Variants in KIAA1614 observed in about 807,000 individuals in gnomAD.
KIAA1614 encodes the protein uncharacterized protein KIAA1614.
KIAA1614 carries 76 observed loss-of-function variants against 88.7 expected under a neutral mutation model. The ratio of observed to expected loss-of-function variants is 0.86; its 90% CI spans 0.71 to 1.04. The LOEUF (loss-of-function observed/expected upper bound fraction) is 1.04, where lower values mean the gene tolerates loss of function less well. Ranked by LOEUF, KIAA1614 falls within the 50% of genes least tolerant of loss-of-function variation. The probability of loss-of-function intolerance (pLI) is 0.00; values close to 1 mark genes in which losing one functional copy is unlikely to be tolerated. For synonymous variants in KIAA1614, 714 were observed against 675.5 expected (o/e 1.06, Z -0.88); for missense variants, 1,553 against 1,582.5 (o/e 0.98, Z 0.32).
intron 4 of KIAA1614, among the ~76,000 whole-genome samples, chr1:180,932,956 G>A (rs1654234273): frequency 1.3e-5 from 2 of 152,248 alleles, no homozygotes. Context: ...GCCCAGGCTG[G>A]TCTTCAACTC....
At position 180,949,968 on chromosome 1, in the gene KIAA1614, C is replaced by T. The variant is rs905027401; in HGVS notation, c.*4380C>T. ...AGGTATGGTTCCTAATTTTTAAAAA[C>T]TATTTTCCTCCCAATTCTACAAGAA... On this transcript the variant is annotated 3_prime_UTR_variant, in exon 9 of 9. Transcript: ENST00000367588. 3 of 152,310 alleles carry T rather than the reference C, an allele frequency of 2.0e-5. No individual in the cohort carries two copies. Among genetic ancestry groups the T allele is most frequent in the Admixed American group, 6.5e-5 (1 of 15,284 alleles). 9.4% of individuals were successfully genotyped at this position (152,310 alleles called of 1,614,324 possible).
At chr1:180,926,215 G>A (rs1440853384) in intron 3 of KIAA1614, among the ~76,000 whole-genome samples, 2 of 152,160 alleles carry the variant, frequency 1.3e-5, no homozygotes, top group African/African-American at 4.8e-5. Flanking sequence ...AGTGAGATGG[G>A]ACAGACTCAG....
chr1:180,924,874 G>T (rs1654033224), intron 3 of KIAA1614, among the ~76,000 whole-genome samples: 1 of 13,588 alleles, frequency 7.4e-5, no homozygotes, highest in Non-Finnish European at 3.9e-4. Context: ...CAAAACAATG[G>T]TGCTAATGAT....
rs1654682243 is a variant in KIAA1614, at chr1:180,949,465, T to TGG, written c.*3881_*3882dup. 6.6e-6 allele frequency: 1 copy of TGG among 152,198 alleles called. No homozygotes were observed. The highest frequency in any genetic ancestry group is 2.1e-4 in the South Asian group (1 of 4,812). 9.4% of individuals were successfully genotyped at this position (152,198 alleles called of 1,614,324 possible). A position where few individuals can be genotyped will look rare whatever the true frequency, so the allele number is the denominator to read the frequency against. ...GCGGTTGAGGCCGGCGGGCGGGGGT[T>TGG]GGGGGCAGGGGGCCTCCTCAGCTGG... On this transcript the variant is annotated 3_prime_UTR_variant, in exon 9 of 9. Coordinates refer to ENST00000367588, the MANE Select transcript of KIAA1614 (RefSeq NM_020950.2).
At chr1:180,915,634 G>T (rs1653772134) in intron 1 of KIAA1614, among the ~76,000 whole-genome samples, 1 of 152,192 alleles carries the variant, frequency 6.6e-6, no homozygotes, top group South Asian at 2.1e-4. Context: ...GTGCTTTCAC[G>T]TTATCTATAG....
At chr1:180,921,677 A>G (rs1263392014) in intron 3 of KIAA1614, among the ~76,000 whole-genome samples, 2 of 152,182 alleles carry the variant, frequency 1.3e-5, no homozygotes, top group African/African-American at 4.8e-5. Context: ...AAAGAAGGGC[A>G]GGTGATGGAC....
At chr1:180,938,505 C>T (rs1329101865) in intron 5 of KIAA1614, 50 bp from the exon 6 acceptor site, 1 of 1,595,756 alleles carries the variant, frequency 6.3e-7, no homozygotes, top group Non-Finnish European at 8.6e-7. Flanking sequence ...CCCCACAGGA[C>T]CTGTGGGATG....
At chr1:180,939,077 C>T (rs2102273137) in intron 6 of KIAA1614, among the ~76,000 whole-genome samples, 1 of 151,720 alleles carries the variant, frequency 6.6e-6, no homozygotes, top group South Asian at 2.1e-4. Flanking sequence ...GATGCAATCA[C>T]ATTTCCCTTC....
chr1:180,943,027 G>GTTT lies in KIAA1614; in HGVS notation c.3160-1362_3160-1361insTTT, dbSNP rs1261396134. ...GTTTGCTGGGAGGCTTAGTTTTTTG[G>GTTT]GTTTTTTTTTTTTTTTTAAGATGGA... On this transcript the variant is annotated intron_variant, in intron 7 of 8. Coordinates refer to ENST00000367588, the MANE Select transcript of KIAA1614 (RefSeq NM_020950.2). Among the ~76,000 whole-genome samples, 12 of 22,352 alleles carry GTTT rather than the reference G, an allele frequency of 5.4e-4. 1 individual carries two copies. Among genetic ancestry groups the GTTT allele is most frequent in the African/African-American group, 1.1e-3 (12 of 10,554 alleles). The allele number at this position is 22,352 out of a possible 152,430, so 14.7% of individuals were successfully genotyped here. A position where few individuals can be genotyped will look rare whatever the true frequency, so the allele number is the denominator to read the frequency against.
Position 180,916,388 on chromosome 1 carries a change from A to C in KIAA1614, c.285A>C (p.Thr95=). Residue 95 remains threonine (T), a synonymous_variant, in exon 2 of 9, where the codon ACA becomes ACC. Coordinates refer to ENST00000367588, the MANE Select transcript of KIAA1614 (RefSeq NM_020950.2). ...SKVRALKEKM[T]VAKQGVSPCS... is the part of the protein sequence containing the mutation. ...TGAGGGCTTTGAAGGAGAAGATGAC[A>C]GTGGCCAAACAGGGAGTGAGTCCCT... 6.2e-7 allele frequency: 1 copy of C among 1,614,214 alleles called. No individual in the cohort carries two copies.
In KIAA1614 at chr1:180,913,275, C is replaced by A; in HGVS notation, c.32C>A (p.Pro11His). 7.9e-7 allele frequency: 1 copy of A among 1,259,314 alleles called. No individual in the cohort carries two copies. Among genetic ancestry groups the A allele is most frequent in the Non-Finnish European group, 1.0e-6 (1 of 996,424 alleles). 78.0% of individuals were successfully genotyped at this position (1,259,314 alleles called of 1,614,324 possible). Residue 11 changes from proline (P) to histidine (H), a missense_variant, in exon 1 of 9, where the codon CCC (proline) becomes CAC (histidine). Physicochemically the swap from Pro to His is moderately conservative, Grantham distance 77. Coordinates refer to ENST00000367588, the MANE Select transcript of KIAA1614 (RefSeq NM_020950.2). MEGTEAAAAK[P>H]AGGSPQGPKT... Reference sequence around the variant, plus strand: ...GGGACAGAGGCGGCGGCGGCCAAACCCGCGGGCGGCAGCCCCCAGTGAGTA... The same window carrying A: ...GGGACAGAGGCGGCGGCGGCCAAACACGCGGGCGGCAGCCCCCAGTGAGTA...
At chr1:180,925,870 A>AGG (rs397938206) in intron 3 of KIAA1614, among the ~76,000 whole-genome samples, 2 of 152,180 alleles carry the variant, frequency 1.3e-5, no homozygotes, top group South Asian at 4.2e-4. Context: ...AACTCCCCCA[A>AGG]GGGGGGACCT....
chr1:180,935,349 G>T lies in KIAA1614; in HGVS notation c.1440G>T (p.Leu480Phe). The stretch of plus-strand genomic sequence containing the variant: ...AGCGCCAGGTGCTGAGCACCGTGTT[G>T]CAGGCCGCGGACCAGGGCCCCCTGC... ...QRQRQVLSTV[L>F]QAADQGPLRS... Residue 480 changes from leucine (L) to phenylalanine (F), a missense_variant, in exon 5 of 9, where the codon TTG becomes TTT. By Grantham distance (22) the Leu-to-Phe change is conservative. Transcript: ENST00000367588. The surrounding 1 kb of genome is among the most constrained non-coding windows in gnomAD (Gnocchi z 6.1). 6.8e-7 allele frequency: 1 copy of T among 1,470,934 alleles called. No homozygotes were observed. 91.1% of individuals were successfully genotyped at this position (1,470,934 alleles called of 1,614,324 possible). A position where few individuals can be genotyped will look rare whatever the true frequency, so the allele number is the denominator to read the frequency against.
At position 180,944,359 on chromosome 1, in the gene KIAA1614, T is replaced by C. The variant is rs1214906172; in HGVS notation, c.3160-30T>C. ...GTCAGCACCTCCCAGGTAGCTTTTC[T>C]CACCCGCAATATTGTCCCTTTCTCA... is the stretch of plus-strand genomic sequence containing the variant. On this transcript the variant is annotated intron_variant, in intron 7 of 8. Coordinates refer to ENST00000367588, the MANE Select transcript of KIAA1614 (RefSeq NM_020950.2). The C allele has an allele frequency of 2.5e-6, 4 of 1,608,050 alleles. No individual in the cohort carries two copies. The African/African-American group carries it at 4.0e-5, about 16-fold the overall frequency.
At chr1:180,926,428 G>A (rs1654068338) in intron 3 of KIAA1614, among the ~76,000 whole-genome samples, 1 of 149,352 alleles carries the variant, frequency 6.7e-6, no homozygotes, top group Non-Finnish European at 1.5e-5. Flanking sequence ...CTAATCAGTG[G>A]AGAACCAGCT....
chr1:180,917,520 G>A (rs1438458498), intron 2 of KIAA1614, among the ~76,000 whole-genome samples: 2 of 152,088 alleles, frequency 1.3e-5, no homozygotes, highest in East Asian at 1.9e-4. Context: ...TCTAGCAGCT[G>A]GGCTGAGCTC....
rs761558411 is a variant in KIAA1614 at position 180,928,564 on chromosome 1, A to C, written c.1196A>C (p.Gln399Pro). Residue 399 changes from glutamine (Q) to proline (P), a missense_variant, in exon 4 of 9, where the codon CAG becomes CCG. Coordinates refer to ENST00000367588, the MANE Select transcript of KIAA1614 (RefSeq NM_020950.2). ...CATGACATCGTGCCCACCATTACCC[A>C]GGGCAGCCGGTGAGTGGGACCTGGG... ...ASHDIVPTIT[Q>P]GSRDGHRSPA... 10 of 1,611,748 alleles carry C rather than the reference A, an allele frequency of 6.2e-6. No individual in the cohort carries two copies. In the African/African-American group the frequency reaches 1.1e-4, roughly 17 times the overall value.
At chr1:180,939,949 G>A (rs1465942462) in intron 6 of KIAA1614, among the ~76,000 whole-genome samples, 9 of 152,148 alleles carry the variant, frequency 5.9e-5, no homozygotes, top group African/African-American at 2.2e-4. Context: ...CCCCACACCT[G>A]GACTACTCAA....
chr1:180,945,470 A>G lies in KIAA1614; in HGVS notation c.3455A>G (p.Asn1152Ser), dbSNP rs1351584074. Residue 1152 changes from asparagine (N) to serine (S), a missense_variant, in exon 9 of 9, where the codon AAT (asparagine) becomes AGT (serine). Coordinates refer to ENST00000367588, the MANE Select transcript of KIAA1614 (RefSeq NM_020950.2). ...GTFGFCVASG[N>S]GRPDSGMPSP... ...TTCGGCTTCTGCGTGGCCTCTGGGA[A>G]TGGGCGCCCAGACTCAGGTATGCCC... 2.5e-6 allele frequency: 4 copies of G among 1,612,910 alleles called. No homozygotes were observed. Among genetic ancestry groups the G allele is most frequent in the Non-Finnish European group, 3.4e-6 (4 of 1,179,772 alleles).
Sources: gnomAD v4.1 joint callset for allele counts (sites outside exome capture counted in the v4.1 genomes callset) on GRCh38, gnomAD v4.1.1 for gene constraint, Gnocchi (gnomAD v3.1) non-coding constraint, MANE v1.5 for transcripts, NCBI Gene and HGNC (gene_info 2026-07-23, HGNC 2026-07-21) for gene names.